Variants in CXCL13 observed in about 807,000 individuals in gnomAD.
CXCL13 encodes the protein C-X-C motif chemokine 13.
CXCL13 carries 7 observed loss-of-function variants against 12.2 expected under a neutral mutation model. The observed-to-expected ratio is 0.57, with a 90% confidence interval of 0.33 to 1.07. The LOEUF is 1.07. Among genes scored for constraint, CXCL13 ranks in the 50% least tolerant of loss-of-function variants. CXCL13 has a pLI of 0.04. For synonymous variants in CXCL13, 47 were observed against 42.4 expected (o/e 1.11, Z -0.42); for missense variants, 113 against 127.4 (o/e 0.89, Z 0.55).
At chr4:77,596,275 G>A (rs900043077) in intron 1 of CXCL13, among the ~76,000 whole-genome samples, 3 of 152,100 alleles carry the variant, frequency 2.0e-5, no homozygotes, top group South Asian at 4.1e-4. Flanking sequence ...GACCATCTCT[G>A]TATCACCTCC....
chr4:77,528,277 C>G (rs992949185), intron 1 of CXCL13, among the ~76,000 whole-genome samples: 6 of 152,048 alleles, frequency 3.9e-5, no homozygotes, highest in African/African-American at 1.4e-4. Context: ...GATTTATAAC[C>G]CTTGGGTATA....
intron 1 of CXCL13, among the ~76,000 whole-genome samples, chr4:77,533,998 C>T (rs1340836808): frequency 6.6e-6 from 1 of 152,212 alleles, no homozygotes; most frequent in Non-Finnish European, 1.5e-5. Flanking sequence ...AGGCAATGTG[C>T]TGCCCTGCTT....
chr4:77,556,561 C>G (rs1382150066), intron 1 of CXCL13, among the ~76,000 whole-genome samples: 1 of 152,056 alleles, frequency 6.6e-6, no homozygotes, highest in Non-Finnish European at 1.5e-5. Flanking sequence ...AAAACTCAAA[C>G]TGTATATTTA....
At chr4:77,584,974 A>G (rs553799713) in intron 1 of CXCL13, among the ~76,000 whole-genome samples, 16 of 152,344 alleles carry the variant, frequency 1.1e-4, no homozygotes, top group Non-Finnish European at 2.1e-4. Flanking sequence ...TATATGCTCT[A>G]AAGATTTTTT....
intron 1 of CXCL13, among the ~76,000 whole-genome samples, chr4:77,571,509 G>A (rs1003383328): frequency 1.3e-4 from 20 of 151,388 alleles, no homozygotes; most frequent in African/African-American, 3.4e-4. Context: ...TGCACCAATC[G>A]ACACTCTGTA....
At chr4:77,532,500 T>C (rs1270993958) in intron 1 of CXCL13, among the ~76,000 whole-genome samples, 1 of 152,208 alleles carries the variant, frequency 6.6e-6, no homozygotes, top group Non-Finnish European at 1.5e-5. Flanking sequence ...ATTTCAACTT[T>C]GGTGAATCTG....
chr4:77,595,947 T>A (rs1726740866), intron 1 of CXCL13, among the ~76,000 whole-genome samples: 1 of 152,172 alleles, frequency 6.6e-6, no homozygotes, highest in African/African-American at 2.4e-5. Context: ...TAGAGGCTCC[T>A]CAATTTGGCA....
At chr4:77,517,408 G>A (rs1319588343) in intron 1 of CXCL13, among the ~76,000 whole-genome samples, 4 of 152,140 alleles carry the variant, frequency 2.6e-5, no homozygotes, top group South Asian at 2.1e-4. Context: ...ACAGTGGGGT[G>A]TTAAAGTCTC....
chr4:77,568,088 C>T (rs111622775), intron 1 of CXCL13, among the ~76,000 whole-genome samples: 5 of 152,320 alleles, frequency 3.3e-5, no homozygotes, highest in African/African-American at 1.2e-4. Flanking sequence ...TGGAGTTAAC[C>T]CTGTGACATC....
At chr4:77,582,933 C>A (rs1456517572) in intron 1 of CXCL13, among the ~76,000 whole-genome samples, 2 of 152,074 alleles carry the variant, frequency 1.3e-5, no homozygotes, top group Non-Finnish European at 1.5e-5. Context: ...CAAGGCTTTC[C>A]TCCATTCCCT....
intron 2 of CXCL13, among the ~76,000 whole-genome samples, chr4:77,609,631 A>T (rs1436652064): frequency 6.6e-6 from 1 of 152,174 alleles, no homozygotes; most frequent in Non-Finnish European, 1.5e-5. Context: ...TATAACTAAG[A>T]TAAATGACAT....
chr4:77,531,029 T>G (rs1461286491), intron 1 of CXCL13, among the ~76,000 whole-genome samples: 1 of 151,736 alleles, frequency 6.6e-6, no homozygotes, highest in Non-Finnish European at 1.5e-5. Context: ...CATTTCGTTA[T>G]GTACCCAGTA....
At position 77,547,773 on chromosome 4, in the gene CXCL13, T is replaced by G. The variant is rs554175705; in HGVS notation, c.-43+35985T>G. Among the ~76,000 whole-genome samples the G allele has an allele frequency of 1.2e-4, 18 of 152,320 alleles. No homozygotes were observed. In the South Asian group the frequency reaches 3.7e-3, roughly 32 times the overall value. On this transcript the variant is annotated intron_variant, in intron 1 of 4. Transcript: ENST00000286758. Reference sequence around the variant, plus strand: ...ATTATGTGTGAATTTGACCCTGTCATTATGATGTTAGCTGGTTATTTTGCT... The same window carrying G: ...ATTATGTGTGAATTTGACCCTGTCAGTATGATGTTAGCTGGTTATTTTGCT...
intron 1 of CXCL13, among the ~76,000 whole-genome samples, chr4:77,560,799 A>G (rs545134005): frequency 2.8e-4 from 43 of 152,356 alleles, no homozygotes; most frequent in African/African-American, 9.9e-4. Context: ...AGCAGATTAC[A>G]TTAATTTTGT....
chr4:77,570,213 A>T (rs905807742), intron 1 of CXCL13, among the ~76,000 whole-genome samples: 28 of 152,334 alleles, frequency 1.8e-4, no homozygotes, highest in African/African-American at 6.7e-4. Context: ...ATGGACAAGG[A>T]TTTCATGTTG....
chr4:77,518,398 T>A (rs1724482757), intron 1 of CXCL13, among the ~76,000 whole-genome samples: 1 of 152,206 alleles, frequency 6.6e-6, no homozygotes, highest in Non-Finnish European at 1.5e-5. Context: ...GTTTTCCAAC[T>A]TGGTTCCATT....
intron 1 of CXCL13, among the ~76,000 whole-genome samples, chr4:77,565,178 G>C (rs1249046253): frequency 6.6e-6 from 1 of 152,152 alleles, no homozygotes; most frequent in Non-Finnish European, 1.5e-5. Flanking sequence ...TCTGAATATA[G>C]GGATTATGGA....
intron 1 of CXCL13, among the ~76,000 whole-genome samples, chr4:77,566,725 C>T (rs897359939): frequency 2.0e-5 from 3 of 152,214 alleles, no homozygotes; most frequent in Non-Finnish European, 2.9e-5. Flanking sequence ...ATTTCCTTGG[C>T]CCTTTTAATC....
chr4:77,580,645 G>A (rs1726307165), intron 1 of CXCL13, among the ~76,000 whole-genome samples: 1 of 151,614 alleles, frequency 6.6e-6, no homozygotes, highest in Non-Finnish European at 1.5e-5. Flanking sequence ...AAAGCCTTCA[G>A]GATTTATTTC....
Sources: gnomAD v4.1 joint callset for allele counts (sites outside exome capture counted in the v4.1 genomes callset) on GRCh38, gnomAD v4.1.1 for gene constraint, MANE v1.5 for transcripts, NCBI Gene and HGNC (gene_info 2026-07-23, HGNC 2026-07-21) for gene names.